FMN2: variants seen among roughly 807,000 people sequenced by gnomAD.
FMN2 encodes formin-2.
In FMN2, 51 loss-of-function variants were observed where a neutral mutation model predicts 142.3. That is an observed-to-expected ratio of 0.36 (90% confidence interval 0.29 to 0.45). The LOEUF is 0.45. Ranked by LOEUF, FMN2 falls within the 20% of genes least tolerant of loss-of-function variation. The probability of loss-of-function intolerance (pLI) is 1.00; values close to 1 mark genes in which losing one functional copy is unlikely to be tolerated. For synonymous variants in FMN2, 882 were observed against 869.8 expected (o/e 1.01, Z -0.25); for missense variants, 1,936 against 2,122.8 (o/e 0.91, Z 1.73).
In FMN2 at chr1:240,144,559, A is replaced by G. The variant is rs1663349681; in HGVS notation, c.1782+21214A>G. On this transcript the variant is annotated intron_variant, in intron 2 of 17. Coordinates refer to ENST00000319653, the MANE Select transcript of FMN2 (RefSeq NM_020066.5). ...AGATGTCTTCTACCAGCTCCATGTC[A>G]TTGCGCATCAGTGCCAATCTCAGAG... 5 of 1,408,248 alleles carry G rather than the reference A, an allele frequency of 3.6e-6. No homozygotes were observed. In the South Asian group the frequency reaches 5.7e-5, roughly 16 times the overall value. The allele number at this position is 1,408,248 out of a possible 1,614,324, so 87.2% of individuals were successfully genotyped here.
chr1:240,139,515 A>T (rs551868815), intron 2 of FMN2, among the ~76,000 whole-genome samples: 106 of 151,996 alleles, frequency 7.0e-4, no homozygotes, highest in African/African-American at 2.4e-3. Context: ...ACTGACGTAT[A>T]GATAAATACT....
intron 5 of FMN2, among the ~76,000 whole-genome samples, chr1:240,209,856 A>G (rs577456625): frequency 2.7e-4 from 41 of 151,998 alleles, no homozygotes; most frequent in African/African-American, 9.4e-4. Flanking sequence ...GTGAGCCGAG[A>G]TCGCGCCACT....
At position 240,340,313 on chromosome 1, in the gene FMN2, G is replaced by T. The variant is rs1318875535; in HGVS notation, c.4765+6084G>T. 3.3e-5 allele frequency among the ~76,000 whole-genome samples: 5 copies of T among 152,146 alleles called. No homozygotes were observed. The East Asian group carries it at 9.6e-4, about 29-fold the overall frequency. On this transcript the variant is annotated intron_variant, in intron 13 of 17. Transcript: ENST00000319653. ...CTCTTAGTCCGGGCCGGGTGCAGTG[G>T]CTCACACCTGTAATCCCAGCACTTT...
intron 16 of FMN2, among the ~76,000 whole-genome samples, chr1:240,451,622 G>C (rs1347494731): frequency 6.6e-6 from 1 of 152,054 alleles, no homozygotes. Flanking sequence ...CATCCCCTGA[G>C]TTTCATTAAC....
At chr1:240,124,151 G>T (rs553218260) in intron 2 of FMN2, among the ~76,000 whole-genome samples, 1 of 152,164 alleles carries the variant, frequency 6.6e-6, no homozygotes, top group East Asian at 1.9e-4. Flanking sequence ...GAATAATGCC[G>T]CTATGAACAT....
At chr1:240,130,495 G>T (rs1662691708) in intron 2 of FMN2, among the ~76,000 whole-genome samples, 1 of 151,960 alleles carries the variant, frequency 6.6e-6, no homozygotes, top group Admixed American at 6.6e-5. Context: ...GTAGAAACAG[G>T]GTTTCACTGT....
intron 2 of FMN2, 84 bp downstream of exon 2, chr1:240,123,429 A>T: frequency 2.2e-6 from 3 of 1,389,076 alleles, no homozygotes; most frequent in Non-Finnish European, 2.9e-6. Flanking sequence ...CAGTCACCCT[A>T]TAATTTAAAA....
chr1:240,163,397 G>T (rs372392337), intron 2 of FMN2, among the ~76,000 whole-genome samples: 1 of 152,136 alleles, frequency 6.6e-6, no homozygotes, highest in African/African-American at 2.4e-5. Flanking sequence ...TTTGAAGCAC[G>T]CATATTTAGA....
chr1:240,352,687 G>A (rs1343749402), intron 13 of FMN2, among the ~76,000 whole-genome samples: 1 of 152,136 alleles, frequency 6.6e-6, no homozygotes, highest in African/African-American at 2.4e-5. Flanking sequence ...TTAAATCTCG[G>A]CCTCATTTCT....
intron 2 of FMN2, among the ~76,000 whole-genome samples, chr1:240,126,946 G>A (rs59994236): frequency 0.094 from 14,336 of 152,040 alleles, 801 homozygotes; most frequent in African/African-American, 0.13. Flanking sequence ...GCAGAGGGGA[G>A]CCTGTGAGAT....
At chr1:240,464,438 A>G (rs973123959) in intron 16 of FMN2, among the ~76,000 whole-genome samples, 1 of 152,184 alleles carries the variant, frequency 6.6e-6, no homozygotes, top group Non-Finnish European at 1.5e-5. Flanking sequence ...TCACCCACAT[A>G]TACCCGACAA....
At chr1:240,171,152 T>A (rs1377480098) in intron 2 of FMN2, 4 of 1,054,382 alleles carry the variant, frequency 3.8e-6, no homozygotes, top group Admixed American at 1.7e-5. Context: ...GTAGAAAGTG[T>A]CCCAAAGTTG....
chr1:240,094,881 T>C (rs1661144957), intron 1 of FMN2, among the ~76,000 whole-genome samples: 1 of 152,218 alleles, frequency 6.6e-6, no homozygotes, highest in Admixed American at 6.5e-5. Context: ...GCTGGTAATA[T>C]TGGGGTAGCT....
intron 4 of FMN2, among the ~76,000 whole-genome samples, chr1:240,203,877 G>A (rs1360781498): frequency 3.3e-5 from 5 of 151,996 alleles, no homozygotes; most frequent in Non-Finnish European, 4.4e-5. Context: ...AAACTACATG[G>A]CAATATAGTT....
intron 14 of FMN2, among the ~76,000 whole-genome samples, chr1:240,359,984 T>C (rs1440537241): frequency 6.6e-6 from 1 of 152,194 alleles, no homozygotes; most frequent in Non-Finnish European, 1.5e-5. Context: ...CTAGCAACCC[T>C]TGTTAAGCTC....
chr1:240,311,232 G>C (rs1210009389), intron 8 of FMN2, among the ~76,000 whole-genome samples: 1 of 152,094 alleles, frequency 6.6e-6, no homozygotes, highest in Admixed American at 6.5e-5. Flanking sequence ...CTTGAATCTG[G>C]AAGAAGGGTA....
intron 2 of FMN2, among the ~76,000 whole-genome samples, chr1:240,138,907 A>G (rs1663065985): frequency 6.6e-6 from 1 of 152,210 alleles, no homozygotes; most frequent in Non-Finnish European, 1.5e-5. Context: ...GAAATTTGGG[A>G]TTAAATAAAA....
intron 4 of FMN2, among the ~76,000 whole-genome samples, chr1:240,189,781 C>T (rs969395508): frequency 3.3e-5 from 5 of 151,554 alleles, no homozygotes; most frequent in Non-Finnish European, 7.4e-5. Flanking sequence ...TAGCCCACAG[C>T]GAATAAGAGA....
chr1:240,281,857 C>A (rs1213762363), intron 7 of FMN2, among the ~76,000 whole-genome samples: 1 of 152,122 alleles, frequency 6.6e-6, no homozygotes, highest in East Asian at 1.9e-4. Flanking sequence ...TTCCATTATT[C>A]TTTAAGCAGA....
Sources: gnomAD v4.1 joint callset for allele counts (sites outside exome capture counted in the v4.1 genomes callset) on GRCh38, gnomAD v4.1.1 for gene constraint, MANE v1.5 for transcripts, NCBI Gene and HGNC (gene_info 2026-07-23, HGNC 2026-07-21) for gene names.